Variants in SLC35E4 observed in about 807,000 individuals in gnomAD.
The protein encoded by SLC35E4 is solute carrier family 35, member E4.
In SLC35E4, 15 loss-of-function variants were observed where a neutral mutation model predicts 19.3. The ratio of observed to expected loss-of-function variants is 0.78; its 90% CI spans 0.52 to 1.20. SLC35E4 has a LOEUF of 1.20. Among genes scored for constraint, SLC35E4 ranks in the 50% most tolerant of loss-of-function variants. The pLI is 0.00. For synonymous variants in SLC35E4, 219 were observed against 219.9 expected (o/e 1.00, Z 0.04); for missense variants, 406 against 472.3 (o/e 0.86, Z 1.30).
chr22:30,639,703 T>G lies in SLC35E4; in HGVS notation c.619+2634T>G, dbSNP rs377182807. Among the ~76,000 whole-genome samples the G allele has an allele frequency of 5.3e-5, 8 of 152,352 alleles. No individual in the cohort carries two copies. In the East Asian group the frequency reaches 1.5e-3, roughly 29 times the overall value. On this transcript the variant is annotated intron_variant, in intron 1 of 1. Coordinates refer to ENST00000343605, the MANE Select transcript of SLC35E4 (RefSeq NM_001001479.4). ...ATTTGCTTTTGAAAGAAGAGAAATA[T>G]GGCTCTGTTCCACCCGGCTCACCGG... is the stretch of plus-strand genomic sequence containing the variant.
chr22:30,642,465 T>C (rs912826190), intron 1 of SLC35E4, among the ~76,000 whole-genome samples: 2 of 151,444 alleles, frequency 1.3e-5, no homozygotes, highest in African/African-American at 4.8e-5. Context: ...AGGCTGGGCA[T>C]GGTGGCTCAC....
intron 2 of SLC35E4, among the ~76,000 whole-genome samples, chr22:30,653,583 G>C (rs2088269708): frequency 1.3e-5 from 2 of 152,058 alleles, no homozygotes; most frequent in African/African-American, 2.4e-5. Context: ...ATGTTGGCCA[G>C]GCTGGTCTCG....
intron 1 of SLC35E4, 103 bp downstream of exon 1, chr22:30,637,172 G>A (rs2087966170): frequency 2.0e-6 from 3 of 1,464,740 alleles, no homozygotes; most frequent in Non-Finnish European, 2.7e-6. Context: ...TACAAATGAG[G>A]AAACTGAGGT....
chr22:30,652,648 C>CA (rs1224343274), downstream of SLC35E4, among the ~76,000 whole-genome samples: 2 of 152,200 alleles, frequency 1.3e-5, no homozygotes, highest in African/African-American at 4.8e-5. Context: ...GATTTACATT[C>CA]AAAATGGGGC....
At chr22:30,650,332 C>CAA (rs557805647), downstream of SLC35E4, among the ~76,000 whole-genome samples, 614 of 136,178 alleles carry the variant, frequency 4.5e-3, 1 homozygote, top group African/African-American at 0.015. Context: ...GACTTCGTCT[C>CAA]AAAAAAAAAA....
chr22:30,646,820 C>A lies in SLC35E4; in HGVS notation c.842C>A (p.Ala281Asp), dbSNP rs775265617. Residue 281 changes from alanine to aspartate, a missense_variant, in exon 2 of 2, where the codon GCC (alanine) becomes GAC (aspartate). Coordinates refer to ENST00000343605, the MANE Select transcript of SLC35E4 (RefSeq NM_001001479.4). ...ASFSLLALTS[A>D]LTVHVLGNLT... ...TTCTCCCTGCTGGCCCTCACCTCTG[C>A]CCTCACCGTCCACGTCCTGGGCAAC... 2 of 1,614,240 alleles carry A rather than the reference C, an allele frequency of 1.2e-6. No individual in the cohort carries two copies. The highest frequency in any genetic ancestry group is 1.7e-6 in the Non-Finnish European group (2 of 1,180,042).
chr22:30,651,136 A>C (rs2088201547), downstream of SLC35E4, among the ~76,000 whole-genome samples: 1 of 151,578 alleles, frequency 6.6e-6, no homozygotes, highest in African/African-American at 2.4e-5. Context: ...AAGTAGCACA[A>C]AATACTTAAT....
At chr22:30,665,882 T>C (rs713853), downstream of SLC35E4, among the ~76,000 whole-genome samples, 68,115 of 151,536 alleles carry the variant, frequency 0.45, 18,010 homozygotes, top group South Asian at 0.63. Context: ...TTCTGAGAGG[T>C]TTTCTGGAAA....
At chr22:30,660,013 T>C (rs937141777) in intron 2 of SLC35E4, among the ~76,000 whole-genome samples, 5 of 152,138 alleles carry the variant, frequency 3.3e-5, no homozygotes, top group Non-Finnish European at 7.4e-5. Flanking sequence ...GAAAACAGGG[T>C]CCTCTACCCT....
intron 2 of SLC35E4, among the ~76,000 whole-genome samples, chr22:30,657,084 T>TGG (rs929150393): frequency 2.6e-5 from 4 of 152,150 alleles, no homozygotes; most frequent in African/African-American, 9.7e-5. Flanking sequence ...GTTACAACGA[T>TGG]GGGGATATTG....
intron 2 of SLC35E4, among the ~76,000 whole-genome samples, chr22:30,653,637 G>A (rs1158830821): frequency 6.6e-6 from 1 of 151,822 alleles, no homozygotes; most frequent in Non-Finnish European, 1.5e-5. Flanking sequence ...GCCTCCCAAA[G>A]TGCTTGGGAT....
chr22:30,659,767 G>A (rs1163344633), intron 2 of SLC35E4, among the ~76,000 whole-genome samples: 5 of 152,242 alleles, frequency 3.3e-5, no homozygotes, highest in Non-Finnish European at 7.3e-5. Flanking sequence ...GACTGCAGAT[G>A]TAACTTATGC....
At chr22:30,641,865 C>T (rs1282547256) in intron 1 of SLC35E4, among the ~76,000 whole-genome samples, 1 of 151,342 alleles carries the variant, frequency 6.6e-6, no homozygotes, top group East Asian at 2.0e-4. Flanking sequence ...GACAGATTTA[C>T]TGATGGCTCT....
At chr22:30,641,516 A>G (rs1052823528) in intron 1 of SLC35E4, among the ~76,000 whole-genome samples, 3 of 152,044 alleles carry the variant, frequency 2.0e-5, no homozygotes, top group Non-Finnish European at 2.9e-5. Context: ...CAGAGGATAC[A>G]TAATTTGTAA....
At chr22:30,662,199 G>A (rs373828068) in exon 3 of SLC35E4, 2 of 152,190 alleles carry the variant, frequency 1.3e-5, no homozygotes, top group African/African-American at 4.8e-5. Context: ...TGCCATTTGC[G>A]CTAAGCACAC....
At chr22:30,660,376 T>C (rs1218659976) in intron 2 of SLC35E4, among the ~76,000 whole-genome samples, 1 of 152,092 alleles carries the variant, frequency 6.6e-6, no homozygotes, top group African/African-American at 2.4e-5. Context: ...CGATCTTGGC[T>C]CACTGCAGCC....
At chr22:30,664,271 C>G (rs1485916316), downstream of SLC35E4, among the ~76,000 whole-genome samples, 2 of 152,194 alleles carry the variant, frequency 1.3e-5, no homozygotes, top group Non-Finnish European at 2.9e-5. Flanking sequence ...GTCAGACTCT[C>G]GGGGTGAAGA....
At chr22:30,666,548 G>A (rs2145629511), downstream of SLC35E4, among the ~76,000 whole-genome samples, 1 of 150,706 alleles carries the variant, frequency 6.6e-6, no homozygotes, top group Admixed American at 6.7e-5. Context: ...CTTGAACCCG[G>A]GAGGCGGAGG....
At chr22:30,651,500 G>A (rs1244123189), downstream of SLC35E4, among the ~76,000 whole-genome samples, 2 of 122,218 alleles carry the variant, frequency 1.6e-5, no homozygotes, top group African/African-American at 3.3e-5. Flanking sequence ...GACTGGTCTT[G>A]AACTCCTGAC....
Sources: allele counts gnomAD v4.1 joint callset (sites outside exome capture counted in the v4.1 genomes callset), GRCh38; gene constraint gnomAD v4.1.1; transcripts MANE v1.5; gene names NCBI Gene and HGNC (gene_info 2026-07-23, HGNC 2026-07-21).